The following URI1 variants were observed in gnomAD, a reference collection of about 807,000 sequenced individuals.
The protein encoded by URI1 is unconventional prefoldin RPB5 interactor 1.
A neutral mutation model predicts 60.2 loss-of-function variants in URI1; 39 were observed. The observed-to-expected ratio is 0.65, with a 90% CI of 0.50 to 0.85. URI1 has a LOEUF of 0.85. Ranked by LOEUF, URI1 falls within the 40% of genes least tolerant of loss-of-function variation. The pLI is 0.00. For missense variants in URI1, 691 were observed against 665.9 expected, an observed-to-expected ratio of 1.04 and a Z score of -0.42; for synonymous variants, 251 against 236.8, an observed-to-expected ratio of 1.06 and a Z score of -0.55.
Position 29,986,141 on chromosome 19 carries a change from C to T in URI1, c.232-141C>T, listed in dbSNP as rs951450840. The T allele has an allele frequency of 6.1e-5, 49 of 807,076 alleles. 2 individuals carry two copies. The South Asian group carries it at 1.1e-3, about 18-fold the overall frequency. The allele number at this position is 807,076 out of a possible 1,614,324, so 50.0% of individuals were successfully genotyped here. A position where few individuals can be genotyped will look rare whatever the true frequency, so the allele number is the denominator to read the frequency against. On this transcript the variant is annotated intron_variant, in intron 3 of 10. Transcript: ENST00000392271. Reference sequence around the variant, plus strand: ...AAAATTTTAATATAGTGTTGAATTTCTGTGAAGCTGGCATTTTATTTTTCC... The same window carrying T: ...AAAATTTTAATATAGTGTTGAATTTTTGTGAAGCTGGCATTTTATTTTTCC...
intron 1 of URI1, among the ~76,000 whole-genome samples, chr19:29,967,919 T>C (rs1236594333): frequency 6.6e-6 from 1 of 152,244 alleles, no homozygotes; most frequent in Non-Finnish European, 1.5e-5. Context: ...CAGTTCGTTT[T>C]GTCACATGCA....
chr19:29,988,264 T>C (rs1243686182), intron 4 of URI1, among the ~76,000 whole-genome samples: 9 of 152,176 alleles, frequency 5.9e-5, no homozygotes, highest in Non-Finnish European at 8.8e-5. Context: ...TACTTCACAT[T>C]TATTAAGAAA....
chr19:29,958,785 C>A (rs2055283547), intron 1 of URI1, among the ~76,000 whole-genome samples: 1 of 151,728 alleles, frequency 6.6e-6, no homozygotes, highest in Non-Finnish European at 1.5e-5. Context: ...CATGGTGAAA[C>A]CCCATCTCTA....
At chr19:30,003,742 T>A (rs2055905017) in intron 4 of URI1, among the ~76,000 whole-genome samples, 2 of 152,052 alleles carry the variant, frequency 1.3e-5, no homozygotes, top group African/African-American at 4.8e-5. Context: ...TTTAGCTTAG[T>A]TGCACAGTAT....
At chr19:29,979,471 C>T (rs1022533978) in intron 2 of URI1, among the ~76,000 whole-genome samples, 1 of 152,134 alleles carries the variant, frequency 6.6e-6, no homozygotes, top group Non-Finnish European at 1.5e-5. Context: ...GACAAGTCTT[C>T]AAACACATGT....
chr19:29,923,769 G>C, intron 1 of URI1: 1 of 1,535,954 alleles, frequency 6.5e-7, no homozygotes, highest in South Asian at 1.2e-5. Context: ...GTTGAAGCTT[G>C]ACAGTGTTAT....
intron 1 of URI1, among the ~76,000 whole-genome samples, chr19:29,944,118 G>A (rs1223870258): frequency 3.3e-5 from 4 of 121,032 alleles, no homozygotes; most frequent in East Asian, 2.4e-4. Context: ...CACCCTGGGC[G>A]ACAGAGTGAG....
upstream of URI1, among the ~76,000 whole-genome samples, chr19:29,940,906 G>T (rs2055016436): frequency 1.3e-5 from 2 of 152,172 alleles, no homozygotes; most frequent in Non-Finnish European, 2.9e-5. Flanking sequence ...AGGTGGCTGG[G>T]GATGGAGAGA....
intron 2 of URI1, among the ~76,000 whole-genome samples, chr19:29,984,200 G>T (rs938077003): frequency 2.0e-5 from 3 of 152,050 alleles, no homozygotes; most frequent in African/African-American, 7.2e-5. Context: ...CTGCGGTGGG[G>T]GGATCGCTTG....
At chr19:29,925,003 T>C (rs1028268828) in intron 1 of URI1, among the ~76,000 whole-genome samples, 2 of 152,140 alleles carry the variant, frequency 1.3e-5, no homozygotes, top group African/African-American at 2.4e-5. Flanking sequence ...GCCCGGCTAA[T>C]TTTTGTATTT....
At chr19:29,981,784 T>G (rs2055600922) in intron 2 of URI1, among the ~76,000 whole-genome samples, 1 of 152,166 alleles carries the variant, frequency 6.6e-6, no homozygotes, top group Non-Finnish European at 1.5e-5. Context: ...GTTTTCCATT[T>G]GAAGAAAAAT....
intron 4 of URI1, among the ~76,000 whole-genome samples, chr19:29,991,603 G>C (rs2055747784): frequency 6.6e-6 from 1 of 151,176 alleles, no homozygotes; most frequent in African/African-American, 2.4e-5. Flanking sequence ...TCTTTTTCTT[G>C]CCTTACTTCC....
intron 1 of URI1, among the ~76,000 whole-genome samples, chr19:29,931,997 C>A (rs1234838528): frequency 6.8e-6 from 1 of 147,484 alleles, no homozygotes; most frequent in Non-Finnish European, 1.5e-5. Flanking sequence ...TATCATCTAC[C>A]AAGAGAGATA....
At chr19:30,009,611 T>A (rs2055993025) in intron 8 of URI1, among the ~76,000 whole-genome samples, 1 of 152,176 alleles carries the variant, frequency 6.6e-6, no homozygotes. Context: ...TGGCAACTAC[T>A]GTAACTTCAC....
At chr19:29,978,242 C>T (rs1193672218) in intron 2 of URI1, among the ~76,000 whole-genome samples, 1 of 151,890 alleles carries the variant, frequency 6.6e-6, no homozygotes, top group African/African-American at 2.4e-5. Flanking sequence ...AGTTTTTTTC[C>T]CCTGAAGAGT....
At chr19:30,009,881 G>C (rs2055995924) in intron 8 of URI1, among the ~76,000 whole-genome samples, 1 of 152,094 alleles carries the variant, frequency 6.6e-6, no homozygotes, top group Non-Finnish European at 1.5e-5. Context: ...TTTTAGAGCT[G>C]GGGGTGACTG....
At chr19:30,011,777 T>C (rs1203501017) in intron 9 of URI1, among the ~76,000 whole-genome samples, 6 of 152,016 alleles carry the variant, frequency 3.9e-5, no homozygotes, top group Admixed American at 1.3e-4. Context: ...AACCATGCTA[T>C]TGCCACCTAG....
At chr19:29,986,673 A>T (rs1272331275) in intron 4 of URI1, among the ~76,000 whole-genome samples, 1 of 152,144 alleles carries the variant, frequency 6.6e-6, no homozygotes, top group African/African-American at 2.4e-5. Flanking sequence ...TCATTATGTG[A>T]TTTTGTAGTT....
intron 5 of URI1, 41 bp downstream of exon 5, chr19:30,005,493 T>C: frequency 6.6e-7 from 1 of 1,517,800 alleles, no homozygotes; most frequent in South Asian, 1.2e-5. Context: ...TTAGAAAATA[T>C]TTTCAAAGAA....
Sources: gnomAD v4.1 joint callset for allele counts (sites outside exome capture counted in the v4.1 genomes callset) on GRCh38, gnomAD v4.1.1 for gene constraint, MANE v1.5 for transcripts, NCBI Gene and HGNC (gene_info 2026-07-23, HGNC 2026-07-21) for gene names.